Variants in LAMA2 observed in about 807,000 individuals in gnomAD.
The protein encoded by LAMA2 is laminin subunit alpha 2.
In LAMA2, 269 loss-of-function variants were observed where a neutral mutation model predicts 364.8. That is an observed-to-expected ratio of 0.74 (90% CI 0.67 to 0.82). The LOEUF is 0.82. LAMA2 is among the 40% of genes least tolerant of loss of function. The pLI, the probability that LAMA2 is intolerant of heterozygous loss-of-function variation, is 0.00. For synonymous variants in LAMA2, 1,379 were observed against 1,370.6 expected (o/e 1.01, Z -0.14); for missense variants, 3,807 against 3,873.2 (o/e 0.98, Z 0.45).
intron 8 of LAMA2, among the ~76,000 whole-genome samples, chr6:129,155,222 C>T (rs1779037297): frequency 1.3e-5 from 2 of 152,060 alleles, no homozygotes; most frequent in Non-Finnish European, 2.9e-5. Flanking sequence ...ATTTTATAGT[C>T]ATATTTTTAT....
At position 129,225,986 on chromosome 6, in the gene LAMA2, T is replaced by A. The variant is rs545882182; in HGVS notation, c.1783-24126T>A. 3.9e-5 allele frequency among the ~76,000 whole-genome samples: 6 copies of A among 152,282 alleles called. No homozygotes were observed. In the East Asian group the frequency reaches 1.2e-3, roughly 29 times the overall value. On this transcript the variant is annotated intron_variant, in intron 12 of 64. Coordinates refer to ENST00000421865, the MANE Select transcript of LAMA2 (RefSeq NM_000426.4). ...GGGAGTCTAAGTCTCTTTGTAGGTC[T>A]CTAAGGACTTGCTTTATGAATCTGA...
intron 60 of LAMA2, among the ~76,000 whole-genome samples, chr6:129,504,544 C>T (rs978887618): frequency 6.6e-6 from 1 of 152,156 alleles, no homozygotes; most frequent in Non-Finnish European, 1.5e-5. Context: ...TGCTCCTTTA[C>T]CTAAATTCAG....
At chr6:129,047,257 TGAA>T (rs1787582610) in intron 1 of LAMA2, among the ~76,000 whole-genome samples, 1 of 152,206 alleles carries the variant, frequency 6.6e-6, no homozygotes, top group Non-Finnish European at 1.5e-5. Context: ...CATTTTCTAA[TGAA>T]ATAAATAATA....
chr6:129,274,356 A>G (rs1788152052), intron 17 of LAMA2, among the ~76,000 whole-genome samples: 1 of 151,920 alleles, frequency 6.6e-6, no homozygotes. Context: ...ACTCTGAGAT[A>G]TGAATTGAAT....
chr6:129,026,239 TA>T (rs1454177979), intron 1 of LAMA2, among the ~76,000 whole-genome samples: 5 of 152,246 alleles, frequency 3.3e-5, no homozygotes, highest in East Asian at 1.9e-4. Flanking sequence ...TGACAAGATA[TA>T]AAAAATATTT....
intron 22 of LAMA2, 44 bp from the exon 23 acceptor site, chr6:129,312,817 C>T: frequency 7.7e-7 from 1 of 1,306,970 alleles, no homozygotes; most frequent in Admixed American, 1.7e-5. Flanking sequence ...AAGATATTTC[C>T]CATAAAGTTG....
intron 4 of LAMA2, among the ~76,000 whole-genome samples, chr6:129,113,243 C>G (rs976853453): frequency 1.3e-5 from 2 of 152,028 alleles, no homozygotes; most frequent in African/African-American, 2.4e-5. Context: ...CTCATTTTCT[C>G]CAGTGTTTTT....
At chr6:129,234,691 A>G (rs982489996) in intron 12 of LAMA2, among the ~76,000 whole-genome samples, 50 of 152,216 alleles carry the variant, frequency 3.3e-4, no homozygotes, top group African/African-American at 1.2e-3. Flanking sequence ...TATTGATGCT[A>G]GTAAGTCAAT....
In LAMA2 at chr6:129,315,539, A is replaced by T. The variant is rs1774533713; in HGVS notation, c.3619A>T (p.Thr1207Ser). The T allele has an allele frequency of 6.2e-7, 1 of 1,614,222 alleles. No individual in the cohort carries two copies. Among genetic ancestry groups the T allele is most frequent in the Non-Finnish European group, 8.5e-7 (1 of 1,180,034 alleles). ...LVDEALQHTT[T>S]KGIVFQHPEI... is the part of the protein sequence containing the mutation. ...AGATGAGGCTCTGCAGCACACGACC[A>T]CCAAGGGCATTGTTTTTCAACATCC... is the stretch of plus-strand genomic sequence containing the variant. Residue 1207 changes from threonine (T) to serine (S), a missense_variant, in exon 25 of 65, where the codon ACC (threonine) becomes TCC (serine). By Grantham distance (58) the Thr-to-Ser change is moderately conservative. This residue lies in a region of LAMA2 where 3,333 missense variants were observed against 3,345.7 expected (regional missense o/e 1.00). Coordinates refer to ENST00000421865, the MANE Select transcript of LAMA2 (RefSeq NM_000426.4).
intron 38 of LAMA2, among the ~76,000 whole-genome samples, chr6:129,401,542 G>A (rs910798363): frequency 6.6e-6 from 1 of 152,196 alleles, no homozygotes; most frequent in Non-Finnish European, 1.5e-5. Flanking sequence ...GAGTGTTTGT[G>A]TAAGTGTACT....
chr6:129,123,081 C>A (rs893039042), intron 4 of LAMA2, among the ~76,000 whole-genome samples: 1 of 151,820 alleles, frequency 6.6e-6, no homozygotes, highest in Non-Finnish European at 1.5e-5. Flanking sequence ...GCAGGCAGAG[C>A]ATTTTGAGGT....
intron 10 of LAMA2, among the ~76,000 whole-genome samples, chr6:129,189,555 C>T (rs1781413726): frequency 6.6e-6 from 1 of 152,012 alleles, no homozygotes; most frequent in Non-Finnish European, 1.5e-5. Context: ...AGATCTTTCC[C>T]ATAGTATCAC....
intron 12 of LAMA2, among the ~76,000 whole-genome samples, chr6:129,220,262 A>T (rs184312474): frequency 2.0e-5 from 3 of 152,222 alleles, no homozygotes; most frequent in Admixed American, 6.5e-5. Flanking sequence ...TTCAAAAAAC[A>T]TATAGTGAAA....
At chr6:129,073,452 G>A (rs1270248419) in intron 3 of LAMA2, among the ~76,000 whole-genome samples, 7 of 151,994 alleles carry the variant, frequency 4.6e-5, no homozygotes, top group Middle Eastern at 3.2e-3. Flanking sequence ...ATATTTTCTC[G>A]AATGTTGTTA....
intron 32 of LAMA2, among the ~76,000 whole-genome samples, chr6:129,363,477 A>G (rs9372926): frequency 0.38 from 57,970 of 152,086 alleles, 12,767 homozygotes; most frequent in Non-Finnish European, 0.49. Context: ...CAATGTTGTC[A>G]CATTCTAATG....
At chr6:129,066,920 A>G (rs2114810302) in intron 3 of LAMA2, among the ~76,000 whole-genome samples, 1 of 152,360 alleles carries the variant, frequency 6.6e-6, no homozygotes, top group East Asian at 1.9e-4. Flanking sequence ...TAAAAAATCC[A>G]TTCAAATTCT....
chr6:129,129,753 T>G (rs1169080288), intron 4 of LAMA2, among the ~76,000 whole-genome samples: 2 of 151,220 alleles, frequency 1.3e-5, no homozygotes, highest in Admixed American at 1.3e-4. Context: ...TGAAACCCCG[T>G]CTCTACTAAA....
chr6:129,092,274 A>G (rs1300076015), intron 3 of LAMA2, among the ~76,000 whole-genome samples: 7 of 152,270 alleles, frequency 4.6e-5, no homozygotes, highest in African/African-American at 1.7e-4. Flanking sequence ...ACAGGGGAAG[A>G]GCTGATAATT....
At chr6:129,058,125 C>T (rs1448834394) in intron 2 of LAMA2, among the ~76,000 whole-genome samples, 1 of 152,176 alleles carries the variant, frequency 6.6e-6, no homozygotes, top group Admixed American at 6.5e-5. Flanking sequence ...ACAGGATCAT[C>T]AACAGCCTCC....
Sources: gnomAD v4.1 joint callset for allele counts (sites outside exome capture counted in the v4.1 genomes callset) on GRCh38, gnomAD v4.1.1 for gene constraint, gnomAD v4.1.1 regional missense constraint, MANE v1.5 for transcripts, NCBI Gene and HGNC (gene_info 2026-07-23, HGNC 2026-07-21) for gene names.